CDK19: variants seen among roughly 807,000 people sequenced by gnomAD.
CDK19 encodes cyclin-dependent kinase 19.
Under a neutral mutation model 68.3 loss-of-function variants are expected in CDK19, and 20 were observed. The observed-to-expected ratio is 0.29, with a 90% confidence interval of 0.21 to 0.43. The LOEUF is 0.43. Ranked by LOEUF, CDK19 falls within the 20% of genes least tolerant of loss-of-function variation. The pLI, the probability that CDK19 is intolerant of heterozygous loss-of-function variation, is 1.00. For missense variants in CDK19, 339 were observed against 623.5 expected (o/e 0.54, Z 4.86); for synonymous variants, 221 against 222.8 (o/e 0.99, Z 0.07).
chr6:110,814,923 C>G (rs2115184387), intron 1 of CDK19, 86 bp downstream of exon 1: 1 of 1,570,142 alleles, frequency 6.4e-7, no homozygotes. Context: ...GGGCACGGCC[C>G]GACTGGGATC....
At chr6:110,804,007 G>A (rs1782504379) in intron 1 of CDK19, among the ~76,000 whole-genome samples, 1 of 152,022 alleles carries the variant, frequency 6.6e-6, no homozygotes, top group Non-Finnish European at 1.5e-5. Flanking sequence ...AGAACGAAAA[G>A]AAAAGAAAAG....
chr6:110,770,508 C>T (rs1484754004), intron 1 of CDK19, among the ~76,000 whole-genome samples: 1 of 152,136 alleles, frequency 6.6e-6, no homozygotes, highest in African/African-American at 2.4e-5. Flanking sequence ...AAATTGTCTC[C>T]CACTGGCTCC....
intron 2 of CDK19, among the ~76,000 whole-genome samples, chr6:110,716,726 GAA>G (rs998909949): frequency 3.3e-5 from 5 of 152,088 alleles, no homozygotes; most frequent in African/African-American, 9.7e-5. Flanking sequence ...CAAAGAGAGA[GAA>G]AGAGATCTAC....
intron 2 of CDK19, among the ~76,000 whole-genome samples, chr6:110,692,201 G>A (rs957464746): frequency 1.3e-5 from 2 of 151,682 alleles, no homozygotes; most frequent in Non-Finnish European, 2.9e-5. Flanking sequence ...GGCTGAGGCA[G>A]GAGAATCTCT....
chr6:110,694,758 A>G (rs1773328215), intron 2 of CDK19, among the ~76,000 whole-genome samples: 1 of 152,200 alleles, frequency 6.6e-6, no homozygotes, highest in African/African-American at 2.4e-5. Context: ...AGGCCCCAAA[A>G]AAGTGTCAGT....
intron 1 of CDK19, among the ~76,000 whole-genome samples, chr6:110,788,608 G>C (rs1377159054): frequency 6.6e-6 from 1 of 151,738 alleles, no homozygotes; most frequent in East Asian, 1.9e-4. Context: ...GAATCTATAG[G>C]TATGCCTCTC....
chr6:110,804,316 C>T (rs1337346279), intron 1 of CDK19, among the ~76,000 whole-genome samples: 1 of 151,978 alleles, frequency 6.6e-6, no homozygotes, highest in Non-Finnish European at 1.5e-5. Context: ...TTTAGCAAGA[C>T]ATATTATAGT....
chr6:110,651,192 TCTG>T (rs1420380607), intron 4 of CDK19, among the ~76,000 whole-genome samples: 5 of 152,164 alleles, frequency 3.3e-5, no homozygotes, highest in Non-Finnish European at 7.3e-5. Flanking sequence ...TATATTATCT[TCTG>T]TCTTATCCAT....
At chr6:110,719,273 C>T (rs1360107085) in intron 2 of CDK19, among the ~76,000 whole-genome samples, 1 of 152,102 alleles carries the variant, frequency 6.6e-6, no homozygotes, top group Non-Finnish European at 1.5e-5. Flanking sequence ...CACTTGAGCC[C>T]AGGAGTTTTG....
chr6:110,778,353 C>A (rs1293796336), intron 1 of CDK19, among the ~76,000 whole-genome samples: 1 of 152,094 alleles, frequency 6.6e-6, no homozygotes, highest in South Asian at 2.1e-4. Context: ...AACATTAATT[C>A]TCTTTAGTAC....
At chr6:110,698,528 G>A (rs780887686) in intron 2 of CDK19, among the ~76,000 whole-genome samples, 40 of 152,296 alleles carry the variant, frequency 2.6e-4, no homozygotes, top group Non-Finnish European at 4.4e-4. Context: ...TGGATATGGT[G>A]AAAAGGGAAT....
At chr6:110,623,757 TATATATACACATATATATAC>T (rs71021805) in intron 8 of CDK19, among the ~76,000 whole-genome samples, 34,055 of 146,734 alleles carry the variant, frequency 0.23, 4,329 homozygotes, top group African/African-American at 0.33. Context: ...TATATACATA[TATATATACACATATATATAC>T]ATATATACAC....
At chr6:110,729,800 A>G (rs1441941264) in intron 2 of CDK19, among the ~76,000 whole-genome samples, 1 of 151,878 alleles carries the variant, frequency 6.6e-6, no homozygotes, top group Non-Finnish European at 1.5e-5. Context: ...GTGTCTATTC[A>G]CAAGCACAAA....
At chr6:110,731,307 C>A (rs928299403) in intron 2 of CDK19, among the ~76,000 whole-genome samples, 1 of 152,150 alleles carries the variant, frequency 6.6e-6, no homozygotes, top group African/African-American at 2.4e-5. Flanking sequence ...ACAATCTTCA[C>A]AACCTTCAGT....
chr6:110,729,809 A>C (rs1005101702), intron 2 of CDK19, among the ~76,000 whole-genome samples: 1 of 151,976 alleles, frequency 6.6e-6, no homozygotes, highest in Non-Finnish European at 1.5e-5. Flanking sequence ...CACAAGCACA[A>C]ATGTAGCACA....
At chr6:110,642,827 T>G (rs1178203748) in intron 4 of CDK19, among the ~76,000 whole-genome samples, 74 of 124,334 alleles carry the variant, frequency 6.0e-4, no homozygotes, top group African/African-American at 6.7e-4. Context: ...GAAAGGAGAG[T>G]AGAGGAGAAG....
At chr6:110,661,877 T>C (rs1459896734) in intron 4 of CDK19, among the ~76,000 whole-genome samples, 1 of 152,238 alleles carries the variant, frequency 6.6e-6, no homozygotes, top group Non-Finnish European at 1.5e-5. Context: ...TACTTATTTG[T>C]GCCCACAGAC....
chr6:110,661,589 A>G (rs933232447), intron 4 of CDK19, among the ~76,000 whole-genome samples: 6 of 152,196 alleles, frequency 3.9e-5, no homozygotes, highest in African/African-American at 1.2e-4. Context: ...AGCTGGGACT[A>G]CAGGTATGTG....
chr6:110,759,833 T>C (rs1779111465), intron 1 of CDK19, among the ~76,000 whole-genome samples: 1 of 152,064 alleles, frequency 6.6e-6, no homozygotes, highest in South Asian at 2.1e-4. Flanking sequence ...ATCCATTTCA[T>C]AGAAATGCCA....
Sources: gnomAD v4.1 joint callset for allele counts (sites outside exome capture counted in the v4.1 genomes callset) on GRCh38, gnomAD v4.1.1 for gene constraint, MANE v1.5 for transcripts, NCBI Gene and HGNC (gene_info 2026-07-23, HGNC 2026-07-21) for gene names.